Variants in NUSAP1 observed in about 807,000 individuals in gnomAD.
NUSAP1 encodes nucleolar and spindle-associated protein 1.
Under a neutral mutation model 52.8 loss-of-function variants are expected in NUSAP1, and 32 were observed. That is an observed-to-expected ratio of 0.61 (90% CI 0.46 to 0.81). The LOEUF is 0.81. Ranked by LOEUF, NUSAP1 falls within the 40% of genes least tolerant of loss-of-function variation. The probability of loss-of-function intolerance (pLI) is 0.00; values close to 1 mark genes in which losing one functional copy is unlikely to be tolerated. For missense variants in NUSAP1, 499 were observed against 522.3 expected (o/e 0.96, Z 0.43); for synonymous variants, 195 against 183.1 (o/e 1.06, Z -0.52).
chr15:41,375,684 C>A (rs746375552), intron 8 of NUSAP1, 28 bp from the exon 9 acceptor site: 9 of 1,367,304 alleles, frequency 6.6e-6, no homozygotes, highest in Non-Finnish European at 9.4e-6. Flanking sequence ...TCTAATTAAG[C>A]TCTTGGGTTT....
intron 2 of NUSAP1, among the ~76,000 whole-genome samples, chr15:41,347,626 T>C (rs1476183221): frequency 1.3e-5 from 2 of 151,588 alleles, no homozygotes; most frequent in Non-Finnish European, 2.9e-5. Context: ...CCATCCTGGC[T>C]AACAGGCGAA....
Position 41,354,945 on chromosome 15 carries a change from G to T in NUSAP1, c.449-1094G>T, listed in dbSNP as rs374766987. Among the ~76,000 whole-genome samples the T allele has an allele frequency of 6.0e-5, 9 of 150,216 alleles. No homozygotes were observed. In the East Asian group the frequency reaches 8.0e-4, roughly 13 times the overall value. On this transcript the variant is annotated intron_variant, in intron 4 of 10. Coordinates refer to ENST00000559596, the MANE Select transcript of NUSAP1 (RefSeq NM_016359.5). Reference sequence around the variant, plus strand: ...TGAGGCAGGAGAATGGCTTTAACCCGGGAGGTGGAGCTTGCAGTGAGCCGA... The same window carrying T: ...TGAGGCAGGAGAATGGCTTTAACCCTGGAGGTGGAGCTTGCAGTGAGCCGA...
intron 2 of NUSAP1, among the ~76,000 whole-genome samples, chr15:41,347,925 C>T (rs1046336151): frequency 2.6e-5 from 4 of 151,976 alleles, no homozygotes; most frequent in African/African-American, 9.7e-5. Flanking sequence ...GAGTTCACAA[C>T]CAGCCTGGGC....
At chr15:41,373,500 A>T (rs1447141457) in intron 8 of NUSAP1, among the ~76,000 whole-genome samples, 1 of 130,432 alleles carries the variant, frequency 7.7e-6, no homozygotes, top group Non-Finnish European at 1.6e-5. Context: ...CCCAGGCTGG[A>T]GTGCAGTGGC....
intron 6 of NUSAP1, among the ~76,000 whole-genome samples, chr15:41,362,574 G>T (rs1450458794): frequency 1.3e-5 from 2 of 151,180 alleles, no homozygotes; most frequent in African/African-American, 4.9e-5. Flanking sequence ...ACGGGCGCCC[G>T]CCACCACACC....
chr15:41,336,168 G>T (rs1161735425), intron 1 of NUSAP1, among the ~76,000 whole-genome samples: 2 of 151,410 alleles, frequency 1.3e-5, no homozygotes, highest in African/African-American at 4.8e-5. Flanking sequence ...GCTGAGGCAG[G>T]AGAGGAGAAT....
rs1316302558 is a variant in NUSAP1, at chr15:41,338,431, CTCT to C, written c.94-3949_94-3947del. On this transcript the variant is annotated intron_variant, in intron 1 of 10. Coordinates refer to ENST00000559596, the MANE Select transcript of NUSAP1 (RefSeq NM_016359.5). ...CCAGTTTGGATCACCCTGGATTCCT[CTCT>C]TCTTCACCCACAGCCATCCATTCTT... is the stretch of plus-strand genomic sequence containing the variant. Among the ~76,000 whole-genome samples, 4 of 152,120 alleles carry C rather than the reference CTCT, an allele frequency of 2.6e-5. No homozygotes were observed. In the East Asian group the frequency reaches 5.8e-4, roughly 22 times the overall value.
chr15:41,355,746 G>T (rs1052362711), intron 4 of NUSAP1, among the ~76,000 whole-genome samples: 1 of 150,700 alleles, frequency 6.6e-6, no homozygotes, highest in East Asian at 2.0e-4. Context: ...GCGCGATCTC[G>T]GCTCACTGCA....
chr15:41,371,463 A>G lies in NUSAP1; in HGVS notation c.849-64A>G, dbSNP rs2049683731. ...TGCTAATAGTCAAGTGGTTTTATTT[A>G]TAAGCTAGACACAAGTTACTCTTGC... is the stretch of plus-strand genomic sequence containing the variant. On this transcript the variant is annotated intron_variant, in intron 7 of 10. Transcript: ENST00000559596. 2.9e-6 allele frequency: 4 copies of G among 1,382,490 alleles called. No homozygotes were observed. The South Asian group carries it at 5.0e-5, about 17-fold the overall frequency. 85.6% of individuals were successfully genotyped at this position (1,382,490 alleles called of 1,614,324 possible).
At position 41,342,421 on chromosome 15, in the gene NUSAP1, TA is replaced by T; in HGVS notation, c.132del (p.Lys44AsnfsTer65). 1 of 1,595,578 alleles carries T rather than the reference TA, an allele frequency of 6.3e-7. No individual in the cohort carries two copies. Among genetic ancestry groups the T allele is most frequent in the Admixed American group, 1.8e-5 (1 of 56,920 alleles). On this transcript the variant is annotated frameshift_variant, in exon 2 of 11. Transcript: ENST00000559596. LOFTEE classifies it high-confidence loss of function. Reference sequence around the variant, plus strand: ...TGTTAAAAGCCTTGAAAGGCTACATTAAACATGAGGCAAGAAAAGGAAATGA... The same window carrying T: ...TGTTAAAAGCCTTGAAAGGCTACATTAACATGAGGCAAGAAAAGGAAATGA... ...KLLKALKGYI[K>X]HEARKGNENQ...
intron 1 of NUSAP1, 65 bp downstream of exon 1, chr15:41,333,115 G>A: frequency 8.0e-7 from 1 of 1,252,140 alleles, no homozygotes; most frequent in Non-Finnish European, 1.1e-6. Flanking sequence ...GGGGAGATGC[G>A]GTGCGAAGGG....
chr15:41,367,809 G>T (rs972086835), intron 7 of NUSAP1, among the ~76,000 whole-genome samples: 1 of 152,156 alleles, frequency 6.6e-6, no homozygotes. Flanking sequence ...ATCTGATTCT[G>T]GTAGAGGAGA....
Position 41,358,131 on chromosome 15 carries a change from T to C in NUSAP1, c.551-18T>C, listed in dbSNP as rs1334064906. ...TGGATTTTGTTTTGTTATTAATTTT[T>C]ATATTGGAACATTCTAGACTTTAAG... is the stretch of plus-strand genomic sequence containing the variant. On this transcript the variant is annotated intron_variant, in intron 5 of 10. Transcript: ENST00000559596. The C allele has an allele frequency of 8.8e-7, 1 of 1,141,402 alleles. No homozygotes were observed. Among genetic ancestry groups the C allele is most frequent in the Admixed American group, 2.3e-5 (1 of 43,332 alleles). The allele number at this position is 1,141,402 out of a possible 1,614,324, so 70.7% of individuals were successfully genotyped here.
At chr15:41,348,880 G>A (rs1004835399) in intron 2 of NUSAP1, among the ~76,000 whole-genome samples, 5 of 150,466 alleles carry the variant, frequency 3.3e-5, no homozygotes, top group East Asian at 1.9e-4. Flanking sequence ...TGATCCACTC[G>A]CCTCGGTCTC....
At chr15:41,368,081 G>A (rs188508038) in intron 7 of NUSAP1, among the ~76,000 whole-genome samples, 36 of 152,210 alleles carry the variant, frequency 2.4e-4, no homozygotes, top group African/African-American at 7.2e-4. Flanking sequence ...AAAAATCTTA[G>A]CTGTTTATTT....
chr15:41,335,544 ATATG>A lies in NUSAP1; in HGVS notation c.93+2498_93+2501del, dbSNP rs546755787. Among the ~76,000 whole-genome samples the A allele has an allele frequency of 6.0e-3, 829 of 138,012 alleles. 12 individuals are homozygous for A. The highest frequency in any genetic ancestry group is 0.02 in the African/African-American group (779 of 38,088). 90.5% of individuals were successfully genotyped at this position (138,012 alleles called of 152,430 possible). ...TATACTAAATATACTATATATACTA[ATATG>A]TATACTAAATATATTTAATATACTA... On this transcript the variant is annotated intron_variant, in intron 1 of 10. Transcript: ENST00000559596.
At chr15:41,350,182 G>A (rs999931686) in intron 3 of NUSAP1, among the ~76,000 whole-genome samples, 2 of 152,110 alleles carry the variant, frequency 1.3e-5, no homozygotes, top group East Asian at 1.9e-4. Context: ...GCACCGGCTC[G>A]GAGGATTCAC....
intron 1 of NUSAP1, 53 bp downstream of exon 1, chr15:41,333,103 T>A (rs2047978837): frequency 2.2e-6 from 3 of 1,391,104 alleles, no homozygotes; most frequent in Admixed American, 3.8e-5. Context: ...AATAGCGGCC[T>A]CGGGGAGATG....
chr15:41,372,078 TC>T (rs1299875143), intron 8 of NUSAP1, among the ~76,000 whole-genome samples: 1 of 152,198 alleles, frequency 6.6e-6, no homozygotes, highest in Admixed American at 6.6e-5. Flanking sequence ...TGTATCTGTT[TC>T]CTTAAACCCT....
Sources: gnomAD v4.1 joint callset for allele counts (sites outside exome capture counted in the v4.1 genomes callset) on GRCh38, gnomAD v4.1.1 for gene constraint, MANE v1.5 for transcripts, NCBI Gene and HGNC (gene_info 2026-07-23, HGNC 2026-07-21) for gene names.